The following PLEKHH2 variants were observed in gnomAD, a reference collection of about 807,000 sequenced individuals.
PLEKHH2 encodes the protein pleckstrin homology, MyTH4 and FERM domain containing H2, also known as pleckstrin homology domain-containing family H member 2.
PLEKHH2 carries 129 observed loss-of-function variants against 187.9 expected under a neutral mutation model. The observed-to-expected ratio is 0.69, with a 90% CI of 0.59 to 0.79. PLEKHH2 has a LOEUF of 0.79. PLEKHH2 is among the 30% of genes least tolerant of loss of function. PLEKHH2 has a pLI of 0.00. For synonymous variants in PLEKHH2, 686 were observed against 605.6 expected (o/e 1.13, Z -1.95); for missense variants, 2,076 against 1,751.2 (o/e 1.19, Z -3.31).
intron 27 of PLEKHH2, among the ~76,000 whole-genome samples, chr2:43,759,569 T>A (rs550370836): frequency 1.3e-5 from 2 of 152,230 alleles, no homozygotes; most frequent in African/African-American, 2.4e-5. Context: ...TGGCCAGCCC[T>A]TTCCCCAAGG....
Position 43,640,012 on chromosome 2 carries a change from TTTG to T in PLEKHH2, c.-4+2634_-4+2636del, listed in dbSNP as rs556514371. ...TGGTGGACACAGGCTGTTTCTACTC[TTTG>T]GCTATCATGAATAATGTTGCTCTGA... On this transcript the variant is annotated intron_variant, in intron 1 of 29. Transcript: ENST00000282406. 3.2e-3 allele frequency among the ~76,000 whole-genome samples: 481 copies of T among 152,234 alleles called. 12 individuals carry two copies. Among genetic ancestry groups the T allele is most frequent in the East Asian group, 2.9e-3 (15 of 5,184 alleles).
chr2:43,687,675 G>A (rs1012852307), intron 3 of PLEKHH2, among the ~76,000 whole-genome samples: 1 of 152,146 alleles, frequency 6.6e-6, no homozygotes, highest in Non-Finnish European at 1.5e-5. Context: ...TTTAATAATA[G>A]CCATTCTGAC....
intron 17 of PLEKHH2, 55 bp from the exon 18 acceptor site, chr2:43,729,582 T>C: frequency 1.6e-6 from 2 of 1,271,632 alleles, no homozygotes; most frequent in Non-Finnish European, 2.1e-6. Context: ...AGTTGTTTTT[T>C]TTTCTTTAAT....
chr2:43,746,522 C>G (rs1460818259), intron 24 of PLEKHH2, among the ~76,000 whole-genome samples: 2 of 130,208 alleles, frequency 1.5e-5, no homozygotes, highest in African/African-American at 7.4e-5. Flanking sequence ...TGTCTCAAAA[C>G]AAACAAAAAA....
At chr2:43,738,025 G>T (rs76879224) in intron 19 of PLEKHH2, among the ~76,000 whole-genome samples, 1 of 152,166 alleles carries the variant, frequency 6.6e-6, no homozygotes, top group Admixed American at 6.5e-5. Context: ...AAATATGCTG[G>T]ATGAGATTCA....
chr2:43,719,340 T>G (rs1468387718), intron 15 of PLEKHH2, among the ~76,000 whole-genome samples: 1 of 152,248 alleles, frequency 6.6e-6, no homozygotes, highest in Non-Finnish European at 1.5e-5. Context: ...CATTATTTTA[T>G]TACTTTGTAT....
chr2:43,689,371 T>A (rs1173637459), intron 3 of PLEKHH2, among the ~76,000 whole-genome samples: 1 of 152,236 alleles, frequency 6.6e-6, no homozygotes, highest in Non-Finnish European at 1.5e-5. Flanking sequence ...AGGCTATCCG[T>A]GTATACACAT....
intron 24 of PLEKHH2, among the ~76,000 whole-genome samples, chr2:43,748,093 C>G (rs959821833): frequency 6.6e-6 from 1 of 152,182 alleles, no homozygotes; most frequent in Non-Finnish European, 1.5e-5. Context: ...GGGCTCTTCT[C>G]TCATCCAGTT....
rs1666428706 is a variant in PLEKHH2 at position 43,650,775 on chromosome 2, A to G, written c.123+5979A>G. ...ATTCTCCTGCCTCAGCCTCCCAAGT[A>G]GCTGGGACTACAGTCATGCATCACC... On this transcript the variant is annotated intron_variant, in intron 2 of 29. Transcript: ENST00000282406. Among the ~76,000 whole-genome samples, 8 of 151,624 alleles carry G rather than the reference A, an allele frequency of 5.3e-5. No individual in the cohort carries two copies. The South Asian group carries it at 1.7e-3, about 32-fold the overall frequency.
At chr2:43,676,301 A>G in intron 2 of PLEKHH2, 1 of 1,610,686 alleles carries the variant, frequency 6.2e-7, no homozygotes, top group Non-Finnish European at 8.5e-7. Flanking sequence ...TTAAAAAATG[A>G]TGTCCCACTA....
chr2:43,688,428 T>C (rs190752384), intron 3 of PLEKHH2, among the ~76,000 whole-genome samples: 118 of 152,314 alleles, frequency 7.7e-4, no homozygotes, highest in Admixed American at 2.2e-3. Flanking sequence ...AATTTATATA[T>C]AGAAATAGAA....
rs181997393 is a variant in PLEKHH2 at position 43,706,969 on chromosome 2, G to A, written c.1822-432G>A. Among the ~76,000 whole-genome samples, 482 of 152,140 alleles carry A rather than the reference G, an allele frequency of 3.2e-3. 3 individuals are homozygous for A. Among genetic ancestry groups the A allele is most frequent in the African/African-American group, 0.011 (447 of 41,514 alleles). ...TCCCAGCACTTTGGGAGGCCGAGGC[G>A]GGCGGATCACGAGGTCAGGAGTTCG... is the stretch of plus-strand genomic sequence containing the variant. On this transcript the variant is annotated intron_variant, in intron 10 of 29. Coordinates refer to ENST00000282406, the MANE Select transcript of PLEKHH2 (RefSeq NM_172069.4).
At position 43,738,392 on chromosome 2, in the gene PLEKHH2, CA is replaced by C; in HGVS notation, c.2996del (p.His999ProfsTer4). On this transcript the variant is annotated frameshift_variant, in exon 20 of 30. Coordinates refer to ENST00000282406, the MANE Select transcript of PLEKHH2 (RefSeq NM_172069.4). LOFTEE classifies it high-confidence loss of function. ...AAVDSPAIDY[H>X]ISLAQSALQI... is the part of the protein sequence containing the mutation. ...AGTTGACTCTCCTGCAATTGATTAC[CA>C]CATATCTTTAGCCCAGAGTGCTTTG... 3.1e-6 allele frequency: 5 copies of C among 1,613,756 alleles called. No homozygotes were observed. The highest frequency in any genetic ancestry group is 4.2e-6 in the Non-Finnish European group (5 of 1,179,798).
Position 43,700,038 on chromosome 2 carries a change from G to C in PLEKHH2, c.1080G>C (p.Trp360Cys). 2.5e-6 allele frequency: 4 copies of C among 1,614,136 alleles called. No individual in the cohort carries two copies. Among genetic ancestry groups the C allele is most frequent in the Non-Finnish European group, 3.4e-6 (4 of 1,180,016 alleles). ...KLYSWQQEAQWKALNSPLGKG... is the reference protein window; with the variant it reads ...KLYSWQQEAQCKALNSPLGKG... ...ATTCTTGGCAGCAGGAGGCACAGTGGAAAGCTCTAAATAGTCCTCTTGGAA... is the reference window on the plus strand; with the variant it reads ...ATTCTTGGCAGCAGGAGGCACAGTGCAAAGCTCTAAATAGTCCTCTTGGAA... The change falls in exon 8 of 30, where the codon TGG (tryptophan) becomes TGC (cysteine). Residue 360 changes from tryptophan to cysteine, a missense_variant. Coordinates refer to ENST00000282406, the MANE Select transcript of PLEKHH2 (RefSeq NM_172069.4).
intron 23 of PLEKHH2, 127 bp from the exon 24 acceptor site, chr2:43,745,739 A>G (rs569222438): frequency 1.6e-6 from 1 of 626,538 alleles, no homozygotes; most frequent in Admixed American, 3.1e-5. Context: ...AGAGGCTGAA[A>G]ACAAAAAGCT....
chr2:43,643,191 G>A (rs1252948673), intron 1 of PLEKHH2, among the ~76,000 whole-genome samples: 1 of 152,036 alleles, frequency 6.6e-6, no homozygotes, highest in Admixed American at 6.6e-5. Context: ...AATGGAAAAG[G>A]TTATTAACAA....
At chr2:43,674,910 G>A (rs951979374) in intron 2 of PLEKHH2, among the ~76,000 whole-genome samples, 32 of 152,090 alleles carry the variant, frequency 2.1e-4, no homozygotes, top group Admixed American at 5.2e-4. Flanking sequence ...ACTTGAACCC[G>A]GGAGGCGGAG....
At position 43,700,055 on chromosome 2, in the gene PLEKHH2, C is replaced by A. The variant is rs749486839; in HGVS notation, c.1097C>A (p.Pro366His). Residue 366 changes from proline to histidine, a missense_variant, in exon 8 of 30, where the codon CCT becomes CAT. By Grantham distance (77) the Pro-to-His change is moderately conservative. Transcript: ENST00000282406. ...QEAQWKALNS[P>H]LGKGNSELSK... ...GCACAGTGGAAAGCTCTAAATAGTC[C>A]TCTTGGAAAGGGAAATTCTGAATTA... 1 of 1,614,160 alleles carries A rather than the reference C, an allele frequency of 6.2e-7. No individual in the cohort carries two copies. Among genetic ancestry groups the A allele is most frequent in the Non-Finnish European group, 8.5e-7 (1 of 1,180,030 alleles).
At chr2:43,657,443 C>G (rs919690) in intron 2 of PLEKHH2, among the ~76,000 whole-genome samples, 53,394 of 152,026 alleles carry the variant, frequency 0.35, 9,738 homozygotes, top group Non-Finnish European at 0.41. Context: ...AGATCTCTGT[C>G]CATGGTGATT....
Sources: allele counts gnomAD v4.1 joint callset (sites outside exome capture counted in the v4.1 genomes callset), GRCh38; gene constraint gnomAD v4.1.1; transcripts MANE v1.5; gene names NCBI Gene and HGNC (gene_info 2026-07-23, HGNC 2026-07-21).